Variants in MED27 observed in about 807,000 individuals in gnomAD.
MED27 encodes mediator of RNA polymerase II transcription subunit 27.
Under a neutral mutation model 38.2 loss-of-function variants are expected in MED27, and 30 were observed. The ratio of observed to expected loss-of-function variants is 0.79; its 90% confidence interval spans 0.59 to 1.07. The LOEUF (loss-of-function observed/expected upper bound fraction) is 1.07. MED27 is among the 50% of genes least tolerant of loss of function. The pLI is 0.00. For missense variants in MED27, 289 were observed against 397.5 expected, an observed-to-expected ratio of 0.73 and a Z score of 2.32; for synonymous variants, 122 against 153.5, an observed-to-expected ratio of 0.79 and a Z score of 1.52.
At chr9:131,969,791 A>G (rs565179437) in intron 3 of MED27, among the ~76,000 whole-genome samples, 18 of 152,300 alleles carry the variant, frequency 1.2e-4, no homozygotes, top group African/African-American at 4.3e-4. Flanking sequence ...CATCTGATGG[A>G]GCCAGCATAA....
chr9:131,922,777 A>G (rs1389896988), intron 4 of MED27, among the ~76,000 whole-genome samples: 2 of 151,988 alleles, frequency 1.3e-5, no homozygotes, highest in Non-Finnish European at 2.9e-5. Flanking sequence ...TCCTAATGCT[A>G]TAATTTTTGT....
intron 3 of MED27, among the ~76,000 whole-genome samples, chr9:131,948,896 T>C (rs1197611027): frequency 1.3e-5 from 2 of 152,174 alleles, no homozygotes; most frequent in African/African-American, 4.8e-5. Flanking sequence ...TGATGAAATG[T>C]AGGAGAATCA....
rs550542678 is a variant in MED27, at chr9:131,924,826, C to T, written c.573+14555G>A. Among the ~76,000 whole-genome samples the T allele has an allele frequency of 5.9e-5, 9 of 152,128 alleles. 1 individual carries two copies. The highest frequency in any genetic ancestry group is 1.3e-4 in the Non-Finnish European group (9 of 68,024). The stretch of plus-strand genomic sequence containing the variant: ...GCATACCTATTTTTCCACATCATCA[C>T]CACCTTTAAAAAGCTTTCAATAAGT... On this transcript the variant is annotated intron_variant, in intron 4 of 7. Transcript: ENST00000292035.
intron 3 of MED27, among the ~76,000 whole-genome samples, chr9:131,944,865 G>A (rs1032797068): frequency 2.6e-5 from 4 of 151,810 alleles, no homozygotes; most frequent in Non-Finnish European, 5.9e-5. Flanking sequence ...CAGATCCCTT[G>A]GAGAAGGTAT....
chr9:131,923,117 C>A (rs923917442), intron 4 of MED27, among the ~76,000 whole-genome samples: 4 of 152,146 alleles, frequency 2.6e-5, no homozygotes, highest in Non-Finnish European at 4.4e-5. Flanking sequence ...TGCTTCTAGA[C>A]CTTCTCAGCA....
chr9:132,074,527 A>G lies in MED27; in HGVS notation c.348+2915T>C, dbSNP rs1185669482. Among the ~76,000 whole-genome samples the G allele has an allele frequency of 8.5e-5, 13 of 152,328 alleles. No individual in the cohort carries two copies. The South Asian group carries it at 1.5e-3, about 17-fold the overall frequency. On this transcript the variant is annotated intron_variant, in intron 2 of 7. Transcript: ENST00000292035. ...CTTCACTTAACCCATTAACGCACTT[A>G]CTGGTTTAAACTCTTTGAGGGTAAA...
At chr9:132,072,581 G>A (rs2131167948) in intron 2 of MED27, among the ~76,000 whole-genome samples, 1 of 152,124 alleles carries the variant, frequency 6.6e-6, no homozygotes, top group East Asian at 1.9e-4. Context: ...GGAGGGAGGA[G>A]GAGGGTGTAG....
chr9:132,029,379 T>C (rs1036471777), intron 2 of MED27, among the ~76,000 whole-genome samples: 2 of 152,240 alleles, frequency 1.3e-5, no homozygotes, highest in Admixed American at 6.5e-5. Flanking sequence ...AAGTAAAGAT[T>C]GGCAACATTT....
rs147479676 is a variant in MED27, at chr9:132,064,867, A to G, written c.348+12575T>C. 2.3e-3 allele frequency among the ~76,000 whole-genome samples: 344 copies of G among 152,334 alleles called. 2 individuals are homozygous for G. The highest frequency in any genetic ancestry group is 7.9e-3 in the African/African-American group (329 of 41,566). ...GAAGGACTGGTAAGCTGAGGCATTTAAGGCCACTGGTTAAGGAAAAAATAA... is the reference window on the plus strand; with the variant it reads ...GAAGGACTGGTAAGCTGAGGCATTTGAGGCCACTGGTTAAGGAAAAAATAA... On this transcript the variant is annotated intron_variant, in intron 2 of 7. Coordinates refer to ENST00000292035, the MANE Select transcript of MED27 (RefSeq NM_004269.4).
chr9:131,930,223 C>A (rs1425304180), intron 4 of MED27, among the ~76,000 whole-genome samples: 1 of 152,172 alleles, frequency 6.6e-6, no homozygotes, highest in Non-Finnish European at 1.5e-5. Flanking sequence ...CTGTCCAAAA[C>A]TAGAGAAAGA....
rs938831210 is a variant in MED27 at position 132,051,769 on chromosome 9, A to G, written c.348+25673T>C. Among the ~76,000 whole-genome samples the G allele has an allele frequency of 6.6e-6, 1 of 152,196 alleles. No homozygotes were observed. Among genetic ancestry groups the G allele is most frequent in the African/African-American group, 2.4e-5 (1 of 41,448 alleles). On this transcript the variant is annotated intron_variant, in intron 2 of 7. Transcript: ENST00000292035. This position sits in a 1 kb window ranked among gnomAD's most constrained non-coding sequence, Gnocchi z 4.2. ...ACCACGTGGGATAATGTGGATACAG[A>G]ACATTTCCATCATCACATAAAGTTC... is the stretch of plus-strand genomic sequence containing the variant.
At chr9:132,034,967 A>C (rs1461825809) in intron 2 of MED27, among the ~76,000 whole-genome samples, 1 of 152,238 alleles carries the variant, frequency 6.6e-6, no homozygotes. Context: ...GTATGTGCAC[A>C]CAAACAGACA....
At chr9:132,005,060 C>T (rs1014282234) in intron 3 of MED27, among the ~76,000 whole-genome samples, 1 of 152,170 alleles carries the variant, frequency 6.6e-6, no homozygotes, top group Non-Finnish European at 1.5e-5. Context: ...TTTTTCCTTC[C>T]CTCATCAAAG....
At chr9:131,946,683 G>C (rs1181735657) in intron 3 of MED27, among the ~76,000 whole-genome samples, 1 of 152,186 alleles carries the variant, frequency 6.6e-6, no homozygotes, top group East Asian at 1.9e-4. Context: ...CAGCTGCAGT[G>C]ACTGTTACAG....
chr9:131,923,984 C>A (rs1042597201), intron 4 of MED27, among the ~76,000 whole-genome samples: 2 of 152,210 alleles, frequency 1.3e-5, no homozygotes, highest in Non-Finnish European at 2.9e-5. Context: ...AGTGATGTGG[C>A]TCCATTGTGC....
intron 3 of MED27, among the ~76,000 whole-genome samples, chr9:131,956,022 T>C (rs1230263747): frequency 6.6e-6 from 1 of 152,200 alleles, no homozygotes; most frequent in African/African-American, 2.4e-5. Flanking sequence ...ATAAAAAAGA[T>C]AATATATCAT....
chr9:131,868,954 C>T, intron 6 of MED27: 1 of 985,496 alleles, frequency 1.0e-6, no homozygotes, highest in Non-Finnish European at 1.2e-6. Context: ...CACAGCCCTG[C>T]TGGGCGTCTG....
intron 4 of MED27, among the ~76,000 whole-genome samples, chr9:131,905,973 C>T (rs1258849484): frequency 6.6e-6 from 1 of 151,984 alleles, no homozygotes; most frequent in Non-Finnish European, 1.5e-5. Flanking sequence ...GTGAAGGAGA[C>T]AGGCAATGAA....
At chr9:131,941,843 T>TTTTTTTTTA (rs57786480) in intron 3 of MED27, among the ~76,000 whole-genome samples, 1 of 139,930 alleles carries the variant, frequency 7.1e-6, no homozygotes, top group Non-Finnish European at 1.5e-5. Context: ...TTTTTTTTTT[T>TTTTTTTTTA]GAGACCGAGT....
Sources: allele counts gnomAD v4.1 joint callset (sites outside exome capture counted in the v4.1 genomes callset), GRCh38; gene constraint gnomAD v4.1.1; non-coding constraint Gnocchi (gnomAD v3.1); transcripts MANE v1.5; gene names NCBI Gene and HGNC (gene_info 2026-07-23, HGNC 2026-07-21).